Variants in VPS8 observed in about 807,000 individuals in gnomAD.
VPS8 encodes VPS8 subunit of CORVET complex.
In VPS8, 129 loss-of-function variants were observed where a neutral mutation model predicts 216.4. The ratio of observed to expected loss-of-function variants is 0.60; its 90% CI spans 0.52 to 0.69. VPS8 has a LOEUF of 0.69. VPS8 is among the 30% of genes least tolerant of loss of function. VPS8 has a pLI of 0.00. For synonymous variants in VPS8, 571 were observed against 565.4 expected, an observed-to-expected ratio of 1.01 and a Z score of -0.14; for missense variants, 1,531 against 1,683.5, an observed-to-expected ratio of 0.91 and a Z score of 1.59.
chr3:185,042,928 T>C (rs1009075298), intron 46 of VPS8, among the ~76,000 whole-genome samples: 3 of 152,086 alleles, frequency 2.0e-5, no homozygotes, highest in Non-Finnish European at 2.9e-5. Context: ...TTTAAACCAA[T>C]TGGGGGACAT....
In VPS8 at chr3:184,899,844, T is replaced by C. The variant is rs528147676; in HGVS notation, c.2095-1077T>C. On this transcript the variant is annotated intron_variant, in intron 24 of 47. Transcript: ENST00000625842. ...TTCTGTTAACGTTGCTTTTGAAATG[T>C]TTGTTTTGCATGGGTTTTGTATTCC... 2.6e-5 allele frequency among the ~76,000 whole-genome samples: 4 copies of C among 152,294 alleles called. No individual in the cohort carries two copies. The East Asian group carries it at 7.7e-4, about 29-fold the overall frequency.
At chr3:184,878,733 A>G (rs1294508518) in intron 21 of VPS8, among the ~76,000 whole-genome samples, 1 of 152,134 alleles carries the variant, frequency 6.6e-6, no homozygotes, top group Non-Finnish European at 1.5e-5. Context: ...TTCCTAGATT[A>G]TTTTATCATC....
intron 24 of VPS8, among the ~76,000 whole-genome samples, chr3:184,900,053 C>T (rs1435973417): frequency 2.6e-5 from 4 of 152,272 alleles, no homozygotes; most frequent in Admixed American, 6.5e-5. Context: ...AGAATGAAAG[C>T]GTGTCATCAC....
chr3:184,910,671 A>G (rs889760561), intron 25 of VPS8, among the ~76,000 whole-genome samples: 4 of 152,092 alleles, frequency 2.6e-5, no homozygotes, highest in Non-Finnish European at 5.9e-5. Context: ...CCCCAACTCT[A>G]TTCCATATTC....
intron 34 of VPS8, 145 bp downstream of exon 34, chr3:184,930,713 A>G (rs1740529346): frequency 4.9e-6 from 3 of 614,236 alleles, no homozygotes; most frequent in Admixed American, 5.4e-5. Context: ...ATTCTACCTC[A>G]TATTTGTATT....
chr3:184,838,871 GC>G, intron 6 of VPS8, 125 bp downstream of exon 6: 1 of 734,618 alleles, frequency 1.4e-6, no homozygotes, highest in Non-Finnish European at 2.2e-6. Flanking sequence ...TCATTTTACT[GC>G]CAGTAATCAG....
At chr3:184,884,194 G>A (rs1730775287) in intron 21 of VPS8, among the ~76,000 whole-genome samples, 1 of 152,036 alleles carries the variant, frequency 6.6e-6, no homozygotes, top group Admixed American at 6.5e-5. Flanking sequence ...TTTACATTAG[G>A]TACATCTCCC....
At position 184,971,726 on chromosome 3, in the gene VPS8, C is replaced by T. The variant is rs754224835; in HGVS notation, c.3394C>T (p.His1132Tyr). 2 of 1,613,122 alleles carry T rather than the reference C, an allele frequency of 1.2e-6. No homozygotes were observed. The highest frequency in any genetic ancestry group is 1.1e-5 in the South Asian group (1 of 90,966). Residue 1132 changes from histidine to tyrosine, a missense_variant, in exon 40 of 48, where the codon CAT becomes TAT. His to Tyr is a moderately conservative substitution (Grantham distance 83). Transcript: ENST00000625842. ...ETIALCQRNS[H>Y]NLNQQQREAL... ...CATTGCTCTTTGCCAGAGAAATTCA[C>T]ATAATTTGAACCAGCAGCAACGTGA...
intron 46 of VPS8, among the ~76,000 whole-genome samples, chr3:185,045,307 C>T (rs932520327): frequency 4.9e-4 from 75 of 152,206 alleles, no homozygotes; most frequent in African/African-American, 1.4e-3. Context: ...GAGTAAGAAA[C>T]GAACAAGCCG....
intron 39 of VPS8, among the ~76,000 whole-genome samples, chr3:184,970,223 C>T (rs1480335204): frequency 1.3e-5 from 2 of 152,006 alleles, no homozygotes; most frequent in Non-Finnish European, 2.9e-5. Flanking sequence ...CATCTACTTT[C>T]CTATTCAATT....
intron 38 of VPS8, 49 bp downstream of exon 38, chr3:184,964,606 T>C: frequency 8.3e-7 from 1 of 1,208,344 alleles, no homozygotes; most frequent in African/African-American, 1.5e-5. Flanking sequence ...TATTCCTCTA[T>C]TCATTCATGA....
chr3:184,929,317 C>T (rs1339775097), intron 32 of VPS8, among the ~76,000 whole-genome samples: 1 of 152,158 alleles, frequency 6.6e-6, no homozygotes, highest in Non-Finnish European at 1.5e-5. Context: ...CCTCAGCTTC[C>T]GTAGTAGCTC....
chr3:184,947,376 G>A (rs1408598173), intron 36 of VPS8, among the ~76,000 whole-genome samples: 1 of 152,148 alleles, frequency 6.6e-6, no homozygotes, highest in Non-Finnish European at 1.5e-5. Context: ...TTGGGTTAGA[G>A]ATTTTGACAT....
chr3:184,928,502 C>T lies in VPS8; in HGVS notation c.2683C>T (p.Arg895Ter), dbSNP rs1740090471. 1.3e-6 allele frequency: 2 copies of T among 1,532,408 alleles called. No homozygotes were observed. Among genetic ancestry groups the T allele is most frequent in the South Asian group, 1.3e-5 (1 of 74,584 alleles). 94.9% of individuals were successfully genotyped at this position (1,532,408 alleles called of 1,614,324 possible). The change falls in exon 32 of 48, where the codon CGA becomes TGA. Residue 895 changes from arginine to a stop codon, truncating the protein, a stop_gained. Transcript: ENST00000625842. LOFTEE classifies it high-confidence loss of function. ...AGGCATAGTTCAATTTGAAGAGAGTCGACTCATCCGGATGGCAGAAAAAGC... is the reference window on the plus strand; with the variant it reads ...AGGCATAGTTCAATTTGAAGAGAGTTGACTCATCCGGATGGCAGAAAAAGC... ...AGGIVQFEES[R>*]LIRMAEKAEF...
intron 23 of VPS8, among the ~76,000 whole-genome samples, chr3:184,897,034 C>T (rs554693462): frequency 8.5e-5 from 13 of 152,178 alleles, no homozygotes; most frequent in Non-Finnish European, 1.6e-4. Context: ...CAAAAGGAAG[C>T]GGATCTGGAG....
intron 46 of VPS8, among the ~76,000 whole-genome samples, chr3:185,032,323 G>C (rs1055394721): frequency 5.3e-5 from 8 of 152,206 alleles, no homozygotes; most frequent in Non-Finnish European, 1.2e-4. Flanking sequence ...CAATAGAGGT[G>C]AGAGGGCTAT....
At position 184,900,098 on chromosome 3, in the gene VPS8, C is replaced by T. The variant is rs569164395; in HGVS notation, c.2095-823C>T. 2.3e-3 allele frequency among the ~76,000 whole-genome samples: 344 copies of T among 152,260 alleles called. 1 individual carries two copies. Among genetic ancestry groups the T allele is most frequent in the African/African-American group, 8.0e-3 (332 of 41,574 alleles). On this transcript the variant is annotated intron_variant, in intron 24 of 47. Coordinates refer to ENST00000625842, the MANE Select transcript of VPS8 (RefSeq NM_001009921.3). ...GACTACTATAGTCTCTGAAATCTTT[C>T]CTTTTTTCTAGTTTTGACTAAGGTA...
chr3:184,893,997 T>C (rs1732859480), intron 22 of VPS8, among the ~76,000 whole-genome samples: 1 of 152,250 alleles, frequency 6.6e-6, no homozygotes, highest in South Asian at 2.1e-4. Flanking sequence ...ATTTATGGGT[T>C]GTTTCCAGAA....
intron 14 of VPS8, among the ~76,000 whole-genome samples, chr3:184,857,054 A>G (rs1725394338): frequency 6.6e-6 from 1 of 152,118 alleles, no homozygotes; most frequent in Non-Finnish European, 1.5e-5. Context: ...CTTGTCTAAT[A>G]TTTTTCTTCC....
Sources: gnomAD v4.1 joint callset for allele counts (sites outside exome capture counted in the v4.1 genomes callset) on GRCh38, gnomAD v4.1.1 for gene constraint, MANE v1.5 for transcripts, NCBI Gene and HGNC (gene_info 2026-07-23, HGNC 2026-07-21) for gene names.